Variants in LYPLAL1 observed in about 807,000 individuals in gnomAD.
The protein encoded by LYPLAL1 is lysophospholipase-like protein 1.
In LYPLAL1, 23 loss-of-function variants were observed where a neutral mutation model predicts 19.7. That is an observed-to-expected ratio of 1.17 (90% confidence interval 0.84 to 1.65). The LOEUF is 1.65. Among genes scored for constraint, LYPLAL1 ranks in the 40% most tolerant of loss-of-function variants. LYPLAL1 has a pLI of 0.00. For missense variants in LYPLAL1, 355 were observed against 279.4 expected, an observed-to-expected ratio of 1.27 and a Z score of -1.93; for synonymous variants, 119 against 96.3, an observed-to-expected ratio of 1.24 and a Z score of -1.38.
At chr1:219,342,688 A>G in the LYPLAL1 span, among the ~76,000 whole-genome samples, 2 of 152,206 alleles carry the variant, frequency 1.3e-5, no homozygotes, top group Non-Finnish European at 2.9e-5. Context: ...TTAAGGCTGC[A>G]TAAAGACAAG....
At chr1:219,205,359 G>A (rs1241420594) in intron 3 of LYPLAL1, among the ~76,000 whole-genome samples, 6 of 80,548 alleles carry the variant, frequency 7.4e-5, no homozygotes, top group Admixed American at 1.8e-4. Context: ...GCGAGACTCC[G>A]TCTCAAAAAA....
the LYPLAL1 span, among the ~76,000 whole-genome samples, chr1:219,363,797 A>G: frequency 2.6e-5 from 4 of 152,134 alleles, no homozygotes; most frequent in African/African-American, 9.7e-5. Context: ...CTTCTTTACT[A>G]GCAAAAGTCT....
chr1:219,258,041 C>T, the LYPLAL1 span, among the ~76,000 whole-genome samples: 1 of 151,984 alleles, frequency 6.6e-6, no homozygotes, highest in Admixed American at 6.6e-5. Flanking sequence ...TTTATAGGCT[C>T]TCTGCAAGGA....
the LYPLAL1 span, among the ~76,000 whole-genome samples, chr1:219,352,983 T>G: frequency 6.6e-6 from 1 of 152,254 alleles, no homozygotes; most frequent in Non-Finnish European, 1.5e-5. Context: ...ATTCCAACTG[T>G]CATGCGTAAC....
chr1:219,325,589 A>G, the LYPLAL1 span, among the ~76,000 whole-genome samples: 2 of 152,220 alleles, frequency 1.3e-5, no homozygotes, highest in Non-Finnish European at 2.9e-5. Flanking sequence ...AAAAGAATAA[A>G]GACAATGGGT....
the LYPLAL1 span, among the ~76,000 whole-genome samples, chr1:219,268,811 A>C: frequency 2.6e-5 from 4 of 152,206 alleles, no homozygotes; most frequent in Non-Finnish European, 4.4e-5. Context: ...CATTAACCAA[A>C]TATTCATCAA....
the LYPLAL1 span, among the ~76,000 whole-genome samples, chr1:219,423,111 G>C: frequency 6.6e-6 from 1 of 152,008 alleles, no homozygotes; most frequent in Non-Finnish European, 1.5e-5. Flanking sequence ...ATTTTGCCTA[G>C]AACACCCCTC....
chr1:219,330,577 A>G, the LYPLAL1 span, among the ~76,000 whole-genome samples: 1 of 152,330 alleles, frequency 6.6e-6, no homozygotes, highest in South Asian at 2.1e-4. Context: ...TATGATTGAT[A>G]TATTAAAAAT....
the LYPLAL1 span, among the ~76,000 whole-genome samples, chr1:219,395,456 A>G: frequency 6.6e-6 from 1 of 151,950 alleles, no homozygotes; most frequent in Non-Finnish European, 1.5e-5. Flanking sequence ...TCCTTTGCCC[A>G]CTTTTTAGTG....
chr1:219,307,005 A>G, the LYPLAL1 span, among the ~76,000 whole-genome samples: 397 of 122,718 alleles, frequency 3.2e-3, no homozygotes, highest in African/African-American at 0.011. Flanking sequence ...TGTATTCCAA[A>G]TGATATATAT....
At chr1:219,378,282 A>G in the LYPLAL1 span, among the ~76,000 whole-genome samples, 1 of 148,578 alleles carries the variant, frequency 6.7e-6, no homozygotes, top group African/African-American at 2.6e-5. Context: ...GAAAAGCTAC[A>G]GTCATGGCAG....
chr1:219,303,456 C>A, the LYPLAL1 span, among the ~76,000 whole-genome samples: 4 of 152,164 alleles, frequency 2.6e-5, no homozygotes, highest in Admixed American at 2.0e-4. Context: ...GCTTGGGAAT[C>A]CCCAAGACAT....
At chr1:219,233,919 A>G in the LYPLAL1 span, among the ~76,000 whole-genome samples, 1 of 152,214 alleles carries the variant, frequency 6.6e-6, no homozygotes, top group East Asian at 1.9e-4. Context: ...GACCATACAT[A>G]GGGAAAAGAA....
At chr1:219,405,164 C>T in the LYPLAL1 span, among the ~76,000 whole-genome samples, 1 of 152,140 alleles carries the variant, frequency 6.6e-6, no homozygotes, top group Non-Finnish European at 1.5e-5. Context: ...TTCATCATAA[C>T]AGTTAAAGGT....
At chr1:219,327,816 T>A in the LYPLAL1 span, among the ~76,000 whole-genome samples, 1 of 152,098 alleles carries the variant, frequency 6.6e-6, no homozygotes, top group East Asian at 1.9e-4. Flanking sequence ...TGGTTCTCAT[T>A]CTCTCTTTGC....
At chr1:219,213,968 C>T (rs973680292), downstream of LYPLAL1, among the ~76,000 whole-genome samples, 2 of 152,042 alleles carry the variant, frequency 1.3e-5, no homozygotes, top group East Asian at 3.9e-4. Context: ...TTGTCTTGTT[C>T]CCAGCCTTAG....
chr1:219,217,842 T>C (rs1659349997), downstream of LYPLAL1, among the ~76,000 whole-genome samples: 1 of 152,136 alleles, frequency 6.6e-6, no homozygotes, highest in South Asian at 2.1e-4. Flanking sequence ...CATGATACTT[T>C]CTTACATGAG....
At chr1:219,378,267 C>T in the LYPLAL1 span, among the ~76,000 whole-genome samples, 1 of 148,984 alleles carries the variant, frequency 6.7e-6, no homozygotes, top group Admixed American at 6.6e-5. Context: ...GCTGGGGAAG[C>T]CTCAGAAAAG....
At chr1:219,290,641 C>T in the LYPLAL1 span, among the ~76,000 whole-genome samples, 1 of 152,148 alleles carries the variant, frequency 6.6e-6, no homozygotes, top group African/African-American at 2.4e-5. Flanking sequence ...CTCTTACTTT[C>T]GGGAATGCCC....
Sources: allele counts gnomAD v4.1 joint callset (sites outside exome capture counted in the v4.1 genomes callset), GRCh38; gene constraint gnomAD v4.1.1; transcripts MANE v1.5; gene names NCBI Gene and HGNC (gene_info 2026-07-23, HGNC 2026-07-21).